The following NARS2 variants were observed in gnomAD, a reference collection of about 807,000 sequenced individuals.
NARS2 encodes the protein asparaginyl-tRNA synthetase 2, mitochondrial.
Under a neutral mutation model 62.9 loss-of-function variants are expected in NARS2, and 60 were observed. The ratio of observed to expected loss-of-function variants is 0.95; its 90% CI spans 0.77 to 1.18. The LOEUF (loss-of-function observed/expected upper bound fraction) is 1.18, where lower values mean the gene tolerates loss of function less well. Ranked by LOEUF, NARS2 falls within the 50% of genes most tolerant of loss-of-function variation. The pLI, the probability that NARS2 is intolerant of heterozygous loss-of-function variation, is 0.00. For synonymous variants in NARS2, 196 were observed against 200.0 expected (o/e 0.98, Z 0.17); for missense variants, 619 against 576.4 (o/e 1.07, Z -0.76).
At chr11:78,498,265 C>T (rs1032631003) in intron 6 of NARS2, among the ~76,000 whole-genome samples, 13 of 152,138 alleles carry the variant, frequency 8.5e-5, no homozygotes, top group African/African-American at 2.9e-4. Flanking sequence ...TTTGATACAC[C>T]TTGAAATACC....
chr11:78,566,014 C>G, intron 4 of NARS2, 118 bp downstream of exon 4: 1 of 784,554 alleles, frequency 1.3e-6, no homozygotes, highest in Non-Finnish European at 2.0e-6. Flanking sequence ...ATGAAGAGAC[C>G]AATCAAAACT....
chr11:78,471,313 G>A (rs2135235317), intron 9 of NARS2, among the ~76,000 whole-genome samples: 1 of 152,254 alleles, frequency 6.6e-6, no homozygotes, highest in East Asian at 1.9e-4. Context: ...TAACGGCTAA[G>A]ATAATGACTG....
At chr11:78,463,787 A>G (rs115033498) in intron 11 of NARS2, among the ~76,000 whole-genome samples, 1 of 151,854 alleles carries the variant, frequency 6.6e-6, no homozygotes, top group African/African-American at 2.4e-5. Flanking sequence ...ACAGGCAGAC[A>G]GAGAAGAGAC....
chr11:78,492,215 G>A (rs1331411384), intron 7 of NARS2, among the ~76,000 whole-genome samples: 1 of 151,952 alleles, frequency 6.6e-6, no homozygotes, highest in East Asian at 1.9e-4. Context: ...GAATTTTGAT[G>A]AAGACACTGA....
At chr11:78,569,657 T>C (rs1856853180) in intron 2 of NARS2, among the ~76,000 whole-genome samples, 1 of 152,214 alleles carries the variant, frequency 6.6e-6, no homozygotes, top group Non-Finnish European at 1.5e-5. Context: ...TGTCCACTAT[T>C]GCATTATGGG....
chr11:78,572,758 A>G (rs4945303), intron 1 of NARS2, among the ~76,000 whole-genome samples: 98,332 of 152,120 alleles, frequency 0.65, 34,094 homozygotes, highest in Non-Finnish European at 0.79. Context: ...GCCACGTTAA[A>G]CATAAAAATA....
intron 4 of NARS2, among the ~76,000 whole-genome samples, chr11:78,562,244 T>G (rs1403325261): frequency 6.6e-6 from 1 of 151,624 alleles, no homozygotes; most frequent in African/African-American, 2.4e-5. Context: ...GGCAACACAG[T>G]GAGATCCCAT....
chr11:78,555,710 A>C (rs149963979), intron 5 of NARS2, among the ~76,000 whole-genome samples: 1 of 151,516 alleles, frequency 6.6e-6, no homozygotes, highest in Non-Finnish European at 1.5e-5. Context: ...GTTATTTCTC[A>C]TCTTTTGCTA....
chr11:78,563,829 C>CAAAAAAAAA (rs1167838676), intron 4 of NARS2, among the ~76,000 whole-genome samples: 1 of 14,112 alleles, frequency 7.1e-5, no homozygotes, highest in African/African-American at 2.7e-4. Flanking sequence ...AACTCTGTAT[C>CAAAAAAAAA]AAAAAAAAAA....
At chr11:78,452,408 AT>A (rs749720602) in intron 11 of NARS2, among the ~76,000 whole-genome samples, 27 of 143,384 alleles carry the variant, frequency 1.9e-4, no homozygotes, top group South Asian at 2.2e-4. Context: ...TGTCTGGCCG[AT>A]TTTTTTTTTT....
At chr11:78,557,834 CTCTT>C (rs200546306) in intron 5 of NARS2, among the ~76,000 whole-genome samples, 4 of 143,224 alleles carry the variant, frequency 2.8e-5, no homozygotes, top group African/African-American at 8.2e-5. Context: ...ATATATATCT[CTCTT>C]ATATTTTATA....
At chr11:78,465,691 A>G (rs527462663) in intron 11 of NARS2, among the ~76,000 whole-genome samples, 185 bp downstream of exon 11, 7 of 152,382 alleles carry the variant, frequency 4.6e-5, no homozygotes, top group African/African-American at 1.7e-4. Context: ...TGTGACAGAA[A>G]TGAGGAAGTA....
intron 5 of NARS2, among the ~76,000 whole-genome samples, chr11:78,529,815 C>T (rs188103989): frequency 2.1e-3 from 314 of 152,274 alleles, no homozygotes; most frequent in African/African-American, 7.3e-3. Flanking sequence ...GCATGAGTCC[C>T]TGAGCCCAGC....
At chr11:78,468,057 A>G (rs1028862578) in intron 10 of NARS2, among the ~76,000 whole-genome samples, 14 of 149,568 alleles carry the variant, frequency 9.4e-5, no homozygotes, top group Admixed American at 7.9e-4. Context: ...AAAAAAAAAA[A>G]GAATTCTTGG....
chr11:78,472,000 C>T (rs1462894327), intron 9 of NARS2, among the ~76,000 whole-genome samples: 1 of 152,050 alleles, frequency 6.6e-6, no homozygotes, highest in Non-Finnish European at 1.5e-5. Context: ...AATATGAGAG[C>T]AGTCAAAATA....
intron 5 of NARS2, among the ~76,000 whole-genome samples, chr11:78,557,266 A>G (rs1424168971): frequency 1.3e-5 from 2 of 152,200 alleles, no homozygotes; most frequent in Non-Finnish European, 2.9e-5. Context: ...CAGAGAAAAA[A>G]TGTGCACCAT....
intron 11 of NARS2, among the ~76,000 whole-genome samples, chr11:78,452,187 A>T (rs1457567056): frequency 1.3e-5 from 2 of 151,724 alleles, no homozygotes; most frequent in Admixed American, 6.6e-5. Flanking sequence ...CACTCACTGC[A>T]ACCTCTGCCT....
chr11:78,521,440 T>G (rs1861117614), intron 6 of NARS2, among the ~76,000 whole-genome samples: 1 of 152,162 alleles, frequency 6.6e-6, no homozygotes, highest in Non-Finnish European at 1.5e-5. Context: ...CTCAAAGTGT[T>G]GAGATTGCAG....
At chr11:78,515,968 C>T (rs906782588) in intron 6 of NARS2, among the ~76,000 whole-genome samples, 9 of 152,212 alleles carry the variant, frequency 5.9e-5, no homozygotes, top group Admixed American at 1.3e-4. Context: ...AGAATCATGT[C>T]TCCTCTTTGT....
Sources: allele counts gnomAD v4.1 joint callset (sites outside exome capture counted in the v4.1 genomes callset), GRCh38; gene constraint gnomAD v4.1.1; transcripts MANE v1.5; gene names NCBI Gene and HGNC (gene_info 2026-07-23, HGNC 2026-07-21).